Variants in BBS9 observed in about 807,000 individuals in gnomAD.
BBS9 encodes the protein protein PTHB1.
A neutral mutation model predicts 117.7 loss-of-function variants in BBS9; 89 were observed. The ratio of observed to expected loss-of-function variants is 0.76; its 90% CI spans 0.64 to 0.90. BBS9 has a LOEUF of 0.90. Ranked by LOEUF, BBS9 falls within the 40% of genes least tolerant of loss-of-function variation. BBS9 has a pLI of 0.00. For synonymous variants in BBS9, 379 were observed against 370.9 expected (o/e 1.02, Z -0.25); for missense variants, 982 against 1,042.2 (o/e 0.94, Z 0.80).
At chr7:33,592,484 G>A (rs964952558) in intron 21 of BBS9, among the ~76,000 whole-genome samples, 4 of 152,100 alleles carry the variant, frequency 2.6e-5, no homozygotes, top group Middle Eastern at 3.4e-3. Flanking sequence ...TTTAAAATAC[G>A]ACATTGTTTA....
chr7:33,478,764 A>G (rs750812089), intron 19 of BBS9, among the ~76,000 whole-genome samples: 41 of 150,726 alleles, frequency 2.7e-4, no homozygotes, highest in Admixed American at 6.0e-4. Flanking sequence ...CAGATATTTT[A>G]TTTTCTAACT....
At chr7:33,302,502 T>C (rs1806692677) in intron 9 of BBS9, among the ~76,000 whole-genome samples, 1 of 152,136 alleles carries the variant, frequency 6.6e-6, no homozygotes, top group Admixed American at 6.5e-5. Flanking sequence ...TACGGATATC[T>C]AGGTTTCTCA....
intron 21 of BBS9, among the ~76,000 whole-genome samples, chr7:33,535,801 A>AAG (rs776949979): frequency 1.2e-4 from 19 of 152,086 alleles, no homozygotes; most frequent in African/African-American, 2.9e-4. Context: ...TTTTACAAAA[A>AAG]AGAGAGAGAG....
intron 21 of BBS9, among the ~76,000 whole-genome samples, chr7:33,587,127 T>G (rs1985081): frequency 0.12 from 18,659 of 152,096 alleles, 1,535 homozygotes; most frequent in Admixed American, 0.28. Flanking sequence ...TGAAGTTCTT[T>G]CATAAACTGT....
chr7:33,483,582 T>C (rs1842753069), intron 19 of BBS9, among the ~76,000 whole-genome samples: 1 of 152,136 alleles, frequency 6.6e-6, no homozygotes, highest in Non-Finnish European at 1.5e-5. Context: ...GAATTCAGTA[T>C]CACGTGATAT....
At chr7:33,590,459 G>GTTTTTTTGTTTTTTTTTTTTTTTTT (rs1554551689) in intron 21 of BBS9, among the ~76,000 whole-genome samples, 1 of 101,510 alleles carries the variant, frequency 9.9e-6, no homozygotes, top group African/African-American at 4.0e-5. Context: ...TTGTTTTTTT[G>GTTTTTTTGTTTTTTTTTTTTTTTTT]TTTTTTTTTT....
At chr7:33,154,196 T>A (rs1414065282) in intron 3 of BBS9, among the ~76,000 whole-genome samples, 1 of 152,250 alleles carries the variant, frequency 6.6e-6, no homozygotes, top group Non-Finnish European at 1.5e-5. Context: ...GATAGTCATG[T>A]ATATTTGCAT....
chr7:33,506,282 G>A (rs1279582018), intron 20 of BBS9, among the ~76,000 whole-genome samples: 1 of 152,062 alleles, frequency 6.6e-6, no homozygotes, highest in Non-Finnish European at 1.5e-5. Flanking sequence ...GCCGTTCTGG[G>A]GGACTTTTTG....
At chr7:33,584,313 C>T (rs539180942) in intron 21 of BBS9, among the ~76,000 whole-genome samples, 1 of 152,086 alleles carries the variant, frequency 6.6e-6, no homozygotes, top group African/African-American at 2.4e-5. Context: ...GCATACATTT[C>T]TTCCTTTCTA....
intron 21 of BBS9, among the ~76,000 whole-genome samples, chr7:33,615,215 A>G (rs998618395): frequency 2.6e-4 from 39 of 152,226 alleles, no homozygotes; most frequent in African/African-American, 9.4e-4. Context: ...CTTACAAGGC[A>G]TACTAAATGG....
At chr7:33,366,170 C>T (rs901364931) in intron 16 of BBS9, among the ~76,000 whole-genome samples, 1 of 152,140 alleles carries the variant, frequency 6.6e-6, no homozygotes, top group African/African-American at 2.4e-5. Context: ...CTGGGGTTCC[C>T]TGGTGGAAAT....
intron 11 of BBS9, among the ~76,000 whole-genome samples, chr7:33,344,078 G>GTTTTTTTTTTTTTTTTTTTTTTTTTTT: frequency 1.5e-5 from 1 of 67,466 alleles, no homozygotes. Context: ...TAGGGGATGA[G>GTTTTTTTTTTTTTTTTTTTTTTTTTTT]TTTTTTTTTT....
chr7:33,542,528 T>A (rs1373174181), intron 21 of BBS9, among the ~76,000 whole-genome samples: 2 of 152,164 alleles, frequency 1.3e-5, no homozygotes, highest in Non-Finnish European at 2.9e-5. Flanking sequence ...ATCATTCTTA[T>A]GCATTTGTGT....
intron 19 of BBS9, among the ~76,000 whole-genome samples, chr7:33,393,193 AAAAT>A (rs939851926): frequency 1.3e-5 from 2 of 152,158 alleles, no homozygotes; most frequent in African/African-American, 4.8e-5. Flanking sequence ...AAACAAACAA[AAAAT>A]AAATAAATAA....
chr7:33,229,956 G>A (rs973179032), intron 5 of BBS9, among the ~76,000 whole-genome samples: 2 of 151,950 alleles, frequency 1.3e-5, no homozygotes, highest in African/African-American at 4.8e-5. Flanking sequence ...GCCATCTAAC[G>A]GGTGTGAGGA....
chr7:33,601,756 G>A (rs1585439800), intron 21 of BBS9, among the ~76,000 whole-genome samples: 1 of 152,064 alleles, frequency 6.6e-6, no homozygotes. Context: ...TGCAAGATAC[G>A]CAGTCATCAG....
intron 4 of BBS9, among the ~76,000 whole-genome samples, chr7:33,159,031 CTGGCCTCCTTTGAT>C (rs542002712): frequency 4.5e-4 from 69 of 152,096 alleles, no homozygotes; most frequent in East Asian, 4.3e-3. Flanking sequence ...GTTTGAACAA[CTGGCCTCCTTTGAT>C]TGGCCAAAAC....
At chr7:33,160,205 T>A (rs1194947964) in intron 4 of BBS9, among the ~76,000 whole-genome samples, 1 of 152,200 alleles carries the variant, frequency 6.6e-6, no homozygotes, top group Non-Finnish European at 1.5e-5. Context: ...TTTCTAATTA[T>A]TGCCTCATTT....
At chr7:33,528,430 TC>T (rs1278583486) in intron 20 of BBS9, among the ~76,000 whole-genome samples, 1 of 152,228 alleles carries the variant, frequency 6.6e-6, no homozygotes, top group Non-Finnish European at 1.5e-5. Context: ...TTGTGGTTTT[TC>T]CCTATACCAC....
Sources: gnomAD v4.1 joint callset for allele counts (sites outside exome capture counted in the v4.1 genomes callset) on GRCh38, gnomAD v4.1.1 for gene constraint, MANE v1.5 for transcripts, NCBI Gene and HGNC (gene_info 2026-07-23, HGNC 2026-07-21) for gene names.